C1GALT1: variants seen among roughly 807,000 people sequenced by gnomAD.
The protein encoded by C1GALT1 is core 1 synthase, glycoprotein-N-acetylgalactosamine 3-beta-galactosyltransferase 1, also known as glycoprotein-N-acetylgalactosamine 3-beta-galactosyltransferase 1.
C1GALT1 carries 11 observed loss-of-function variants against 31.0 expected under a neutral mutation model. The ratio of observed to expected loss-of-function variants is 0.36; its 90% confidence interval spans 0.22 to 0.59. The LOEUF (loss-of-function observed/expected upper bound fraction) is 0.59. Among genes scored for constraint, C1GALT1 ranks in the 20% least tolerant of loss-of-function variants. The pLI is 0.79. For missense variants in C1GALT1, 424 were observed against 425.2 expected (o/e 1.00, Z 0.03); for synonymous variants, 175 against 143.6 (o/e 1.22, Z -1.56).
In C1GALT1 at chr7:7,182,652, C is replaced by T. The variant is rs947980160; in HGVS notation, c.-186C>T. 13 of 317,452 alleles carry T rather than the reference C, an allele frequency of 4.1e-5. No homozygotes were observed. The highest frequency in any genetic ancestry group is 5.9e-5 in the Non-Finnish European group (13 of 219,308). 19.7% of individuals were successfully genotyped at this position (317,452 alleles called of 1,614,324 possible). A position where few individuals can be genotyped will look rare whatever the true frequency, so the allele number is the denominator to read the frequency against. On this transcript the variant is annotated 5_prime_UTR_variant, in exon 1 of 4. Transcript: ENST00000436587. Reference sequence around the variant, plus strand: ...CGCGCGCTGGGCCCGCCTTGGCCGCCGCCGCTGTGCTGCCGCTGCCGGGGA... The same window carrying T: ...CGCGCGCTGGGCCCGCCTTGGCCGCTGCCGCTGTGCTGCCGCTGCCGGGGA...
intron 1 of C1GALT1, among the ~76,000 whole-genome samples, chr7:7,225,184 G>T (rs543293320): frequency 1.3e-5 from 2 of 152,278 alleles, no homozygotes; most frequent in South Asian, 4.1e-4. Flanking sequence ...TCTTGAGGTA[G>T]AAGCTTAAAT....
chr7:7,184,211 T>G (rs1325316778), intron 1 of C1GALT1, among the ~76,000 whole-genome samples: 2 of 152,226 alleles, frequency 1.3e-5, no homozygotes, highest in Admixed American at 6.5e-5. Flanking sequence ...TAGCAAACAG[T>G]TAACTCTTCA....
At chr7:7,175,581 GT>G (rs1169092675) in intron 2 of C1GALT1, among the ~76,000 whole-genome samples, 1 of 152,208 alleles carries the variant, frequency 6.6e-6, no homozygotes, top group Non-Finnish European at 1.5e-5. Context: ...TATTACTTCA[GT>G]TTGCTGTGTT....
chr7:7,215,575 C>G (rs111348150), intron 1 of C1GALT1, among the ~76,000 whole-genome samples: 1 of 152,030 alleles, frequency 6.6e-6, no homozygotes, highest in Non-Finnish European at 1.5e-5. Context: ...TTTTAAACCG[C>G]GAAAGAAGGA....
chr7:7,227,127 C>T (rs1782800738), intron 1 of C1GALT1, among the ~76,000 whole-genome samples: 1 of 152,096 alleles, frequency 6.6e-6, no homozygotes, highest in African/African-American at 2.4e-5. Context: ...GTCTAGGTGA[C>T]ATTCAGATTT....
At chr7:7,196,813 A>G (rs1458000699) in intron 1 of C1GALT1, among the ~76,000 whole-genome samples, 1 of 152,208 alleles carries the variant, frequency 6.6e-6, no homozygotes, top group African/African-American at 2.4e-5. Context: ...TCTGATGGCC[A>G]GTGATGATGA....
At chr7:7,206,571 G>T (rs1781747980) in intron 1 of C1GALT1, among the ~76,000 whole-genome samples, 1 of 151,890 alleles carries the variant, frequency 6.6e-6, no homozygotes. Context: ...AGCTACTCGG[G>T]AGGCTGAGGC....
intron 2 of C1GALT1, among the ~76,000 whole-genome samples, chr7:7,163,127 C>T (rs12539981): frequency 0.022 from 3,380 of 152,150 alleles, 127 homozygotes; most frequent in East Asian, 0.16. Flanking sequence ...TAATTAGATC[C>T]CATTTGTCAA....
chr7:7,216,797 AG>A (rs1308912195), intron 1 of C1GALT1, among the ~76,000 whole-genome samples: 1 of 152,226 alleles, frequency 6.6e-6, no homozygotes, highest in East Asian at 1.9e-4. Flanking sequence ...CTAACTTAAA[AG>A]CATAAACTTC....
intron 2 of C1GALT1, among the ~76,000 whole-genome samples, chr7:7,163,782 G>C (rs1780363492): frequency 6.6e-6 from 1 of 152,074 alleles, no homozygotes; most frequent in Non-Finnish European, 1.5e-5. Context: ...CCTCCTCAAG[G>C]AGAACTACAA....
intron 1 of C1GALT1, among the ~76,000 whole-genome samples, chr7:7,192,045 A>G (rs375205605): frequency 2.4e-4 from 36 of 152,210 alleles, no homozygotes; most frequent in African/African-American, 8.7e-4. Flanking sequence ...TCATTGCCAA[A>G]TATAATGTCA....
intron 2 of C1GALT1, among the ~76,000 whole-genome samples, chr7:7,177,203 AC>A (rs1284101916): frequency 6.6e-5 from 10 of 152,304 alleles, no homozygotes; most frequent in African/African-American, 2.2e-4. Context: ...CTTGAGTCTC[AC>A]ACTAAGGCTC....
intron 2 of C1GALT1, among the ~76,000 whole-genome samples, chr7:7,235,477 C>T (rs188057397): frequency 6.6e-6 from 1 of 152,312 alleles, no homozygotes; most frequent in Admixed American, 6.5e-5. Context: ...TAATTCAGCT[C>T]TGAGCAAGTG....
chr7:7,238,494 G>T lies in C1GALT1; in HGVS notation c.460G>T (p.Val154Phe), dbSNP rs763499580. Reference protein sequence around the residue: ...YWKTIKAFQYVHEHYLEDADW... With the variant: ...YWKTIKAFQYFHEHYLEDADW... ...GAAAACAATTAAAGCTTTTCAGTAT[G>T]TTCATGAACATTATTTAGAAGATGC... is the stretch of plus-strand genomic sequence containing the variant. Residue 154 changes from valine to phenylalanine, a missense_variant, in exon 3 of 4, where the codon GTT becomes TTT. This residue lies in a region of C1GALT1 where 44 missense variants were observed against 78.3 expected (regional missense o/e 0.56). Coordinates refer to ENST00000436587, the MANE Select transcript of C1GALT1 (RefSeq NM_020156.5). This position sits in a 1 kb window ranked among gnomAD's most constrained non-coding sequence, Gnocchi z 5.2. 1 of 1,614,082 alleles carries T rather than the reference G, an allele frequency of 6.2e-7. No individual in the cohort carries two copies. Among genetic ancestry groups the T allele is most frequent in the East Asian group, 2.2e-5 (1 of 44,886 alleles).
At chr7:7,164,879 AG>A (rs1019302747) in intron 2 of C1GALT1, among the ~76,000 whole-genome samples, 4 of 152,178 alleles carry the variant, frequency 2.6e-5, no homozygotes, top group African/African-American at 7.2e-5. Context: ...AAGGAGGAAC[AG>A]GGCAAACCAT....
At chr7:7,213,233 T>C (rs1326921639) in intron 1 of C1GALT1, among the ~76,000 whole-genome samples, 1 of 152,208 alleles carries the variant, frequency 6.6e-6, no homozygotes, top group Non-Finnish European at 1.5e-5. Flanking sequence ...TTATAAACCG[T>C]CTTTTGAGAA....
upstream of C1GALT1, among the ~76,000 whole-genome samples, chr7:7,180,389 CT>C (rs1362253488): frequency 6.6e-6 from 1 of 152,132 alleles, no homozygotes; most frequent in African/African-American, 2.4e-5. Context: ...TCATCAGAGA[CT>C]TTTTTTATGG....
chr7:7,208,941 G>A (rs919594833), intron 1 of C1GALT1, among the ~76,000 whole-genome samples: 1 of 152,178 alleles, frequency 6.6e-6, no homozygotes, highest in Non-Finnish European at 1.5e-5. Context: ...GAAGTTTTCA[G>A]TATACTTTGA....
chr7:7,161,624 C>T (rs1429800747), intron 2 of C1GALT1, among the ~76,000 whole-genome samples: 1 of 152,044 alleles, frequency 6.6e-6, no homozygotes, highest in Non-Finnish European at 1.5e-5. Flanking sequence ...CAGGCATCAT[C>T]ATCTTCCTTT....
Sources: allele counts gnomAD v4.1 joint callset (sites outside exome capture counted in the v4.1 genomes callset), GRCh38; gene constraint gnomAD v4.1.1; regional missense constraint gnomAD v4.1.1; non-coding constraint Gnocchi (gnomAD v3.1); transcripts MANE v1.5; gene names NCBI Gene and HGNC (gene_info 2026-07-23, HGNC 2026-07-21).